ZNF292: variants seen among roughly 807,000 people sequenced by gnomAD.
The protein encoded by ZNF292 is 16 zinc-finger domain protein.
In ZNF292, 26 loss-of-function variants were observed where a neutral mutation model predicts 217.9. That is an observed-to-expected ratio of 0.12 (90% CI 0.09 to 0.17). The LOEUF (loss-of-function observed/expected upper bound fraction) is 0.17, where lower values mean the gene tolerates loss of function less well. Among genes scored for constraint, ZNF292 ranks in the 10% least tolerant of loss-of-function variants. ZNF292 has a pLI of 1.00. For missense variants in ZNF292, 2,904 were observed against 3,175.2 expected (o/e 0.91, Z 2.05); for synonymous variants, 1,257 against 1,124.1 (o/e 1.12, Z -2.37).
chr6:87,239,689 G>A (rs867976624), intron 5 of ZNF292, among the ~76,000 whole-genome samples: 35,477 of 78,058 alleles, frequency 0.45, 10,396 homozygotes, highest in African/African-American at 0.67. Flanking sequence ...GCTGCCGGGC[G>A]GAGGGGCTCC....
intron 1 of ZNF292, among the ~76,000 whole-genome samples, chr6:87,176,952 C>G (rs1161936033): frequency 6.6e-6 from 1 of 152,136 alleles, no homozygotes; most frequent in Non-Finnish European, 1.5e-5. Flanking sequence ...CCTCCATCCT[C>G]CCACCAATAA....
At position 87,255,152 on chromosome 6, in the gene ZNF292, T is replaced by G; in HGVS notation, c.1523T>G (p.Leu508Arg). Residue 508 changes from leucine (L) to arginine (R), a missense_variant, in exon 8 of 8, where the codon CTT becomes CGT. By Grantham distance (102) the Leu-to-Arg change is moderately radical. This residue lies in a region of ZNF292 where 87 missense variants were observed against 99.6 expected (regional missense o/e 0.87). Transcript: ENST00000369577. ...GGAGTTGGTGCTAATTCTGGCCTTC[T>G]TAAAGACATTGGTGATGAAAAGCAG... ...SGGVGANSGL[L>R]KDIGDEKQKK... The G allele has an allele frequency of 6.2e-7, 1 of 1,613,748 alleles. No individual in the cohort carries two copies.
intron 6 of ZNF292, 32 bp downstream of exon 6, chr6:87,243,643 T>A: frequency 6.9e-7 from 1 of 1,441,916 alleles, no homozygotes; most frequent in Non-Finnish European, 9.1e-7. Flanking sequence ...TAAAGAAATA[T>A]TTGTTAAATA....
intron 4 of ZNF292, among the ~76,000 whole-genome samples, chr6:87,225,245 A>C (rs1034277157): frequency 6.6e-6 from 1 of 152,038 alleles, no homozygotes; most frequent in African/African-American, 2.4e-5. Context: ...AGTTCTTTGT[A>C]TATTTTGGGT....
rs1249883291 is a variant in ZNF292, at chr6:87,260,227, A to C, written c.6598A>C (p.Thr2200Pro). Reference protein sequence around the residue: ...IQHYMKLHEMTPEEIESMTAS... With the variant: ...IQHYMKLHEMPPEEIESMTAS... ...ACACTACATGAAACTTCATGAAATG[A>C]CTCCTGAAGAAATTGAAAGTATGAC... The change falls in exon 8 of 8, where the codon ACT (threonine) becomes CCT (proline). Residue 2200 changes from threonine to proline, a missense_variant. Coordinates refer to ENST00000369577, the MANE Select transcript of ZNF292 (RefSeq NM_015021.3). The C allele has an allele frequency of 6.2e-7, 1 of 1,613,582 alleles. No homozygotes were observed. The highest frequency in any genetic ancestry group is 8.5e-7 in the Non-Finnish European group (1 of 1,179,616).
chr6:87,156,901 C>T (rs902474755), intron 1 of ZNF292, among the ~76,000 whole-genome samples: 3 of 152,052 alleles, frequency 2.0e-5, no homozygotes, highest in African/African-American at 7.3e-5. Context: ...ATTTGATTGT[C>T]TTGAGGAGGA....
chr6:87,204,224 T>C (rs1307409033), intron 1 of ZNF292, among the ~76,000 whole-genome samples: 2 of 152,200 alleles, frequency 1.3e-5, no homozygotes, highest in African/African-American at 4.8e-5. Flanking sequence ...AAATGCAAAC[T>C]GTACTACTAC....
chr6:87,196,201 T>G lies in ZNF292; in HGVS notation c.169-19702T>G, dbSNP rs147329980. ...TGTCATTTTCTTTTCTAAATTTGTA[T>G]TAGTTTTCAACATTTTATATAGTAC... On this transcript the variant is annotated intron_variant, in intron 1 of 7. Transcript: ENST00000369577. 7.1e-3 allele frequency among the ~76,000 whole-genome samples: 1,075 copies of G among 152,350 alleles called. 13 individuals are homozygous for G. Among genetic ancestry groups the G allele is most frequent in the African/African-American group, 0.024 (1,004 of 41,582 alleles).
intron 1 of ZNF292, among the ~76,000 whole-genome samples, chr6:87,201,715 T>C (rs747926932): frequency 3.3e-5 from 5 of 152,180 alleles, no homozygotes; most frequent in Non-Finnish European, 7.3e-5. Context: ...CATCCTAAAG[T>C]TTTAAAGTAT....
At chr6:87,227,727 A>G (rs1262776174) in intron 4 of ZNF292, among the ~76,000 whole-genome samples, 1 of 152,342 alleles carries the variant, frequency 6.6e-6, no homozygotes, top group African/African-American at 2.4e-5. Flanking sequence ...TTCACTTAGC[A>G]TAATGTCCTC....
chr6:87,204,829 G>T (rs964792427), intron 1 of ZNF292, among the ~76,000 whole-genome samples: 1 of 152,086 alleles, frequency 6.6e-6, no homozygotes, highest in African/African-American at 2.4e-5. Flanking sequence ...CTCGCAAAGT[G>T]CTGGGATTAC....
intron 3 of ZNF292, 50 bp downstream of exon 3, chr6:87,216,427 T>G: frequency 7.4e-7 from 1 of 1,344,004 alleles, no homozygotes; most frequent in Non-Finnish European, 1.0e-6. Context: ...TATGTCAGTT[T>G]TCCTTACTCT....
At chr6:87,240,305 C>G (rs539537111) in intron 5 of ZNF292, among the ~76,000 whole-genome samples, 16 of 139,824 alleles carry the variant, frequency 1.1e-4, no homozygotes, top group East Asian at 4.2e-4. Flanking sequence ...GGTGGCAGTA[C>G]AGTCCAGCTT....
rs551444650 is a variant in ZNF292 at position 87,240,778 on chromosome 6, A to C, written c.742-2697A>C. On this transcript the variant is annotated intron_variant, in intron 5 of 7. Transcript: ENST00000369577. ...AATGATAAGATTAAAAATAAATGAGACTTTCAAGAAATACGGATTTTTATT... is the reference window on the plus strand; with the variant it reads ...AATGATAAGATTAAAAATAAATGAGCCTTTCAAGAAATACGGATTTTTATT... Among the ~76,000 whole-genome samples the C allele has an allele frequency of 3.9e-5, 6 of 152,202 alleles. No individual in the cohort carries two copies. In the East Asian group the frequency reaches 1.2e-3, roughly 29 times the overall value.
intron 1 of ZNF292, among the ~76,000 whole-genome samples, chr6:87,158,554 G>A (rs961442012): frequency 6.6e-6 from 1 of 152,256 alleles, no homozygotes; most frequent in South Asian, 2.1e-4. Context: ...AGTGCCTGTA[G>A]TCCCAGCTAC....
chr6:87,183,833 C>A (rs531124159), intron 1 of ZNF292, among the ~76,000 whole-genome samples: 2 of 152,226 alleles, frequency 1.3e-5, no homozygotes, highest in African/African-American at 4.8e-5. Flanking sequence ...TGTATACACG[C>A]AGTATTATAA....
intron 1 of ZNF292, among the ~76,000 whole-genome samples, chr6:87,214,743 A>G (rs1248091527): frequency 6.6e-6 from 1 of 152,094 alleles, no homozygotes; most frequent in African/African-American, 2.4e-5. Context: ...CTGTGAATAT[A>G]TGGCTACTCA....
chr6:87,156,821 A>G (rs1350285802), intron 1 of ZNF292, among the ~76,000 whole-genome samples: 1 of 152,236 alleles, frequency 6.6e-6, no homozygotes, highest in African/African-American at 2.4e-5. Context: ...CTACATTTGC[A>G]CTTCATTACG....
chr6:87,175,233 T>C (rs961063494), intron 1 of ZNF292, among the ~76,000 whole-genome samples: 1 of 152,116 alleles, frequency 6.6e-6, no homozygotes, highest in Non-Finnish European at 1.5e-5. Flanking sequence ...TCCTTAATTC[T>C]TTTTTTTCCC....
Sources: gnomAD v4.1 joint callset for allele counts (sites outside exome capture counted in the v4.1 genomes callset) on GRCh38, gnomAD v4.1.1 for gene constraint, gnomAD v4.1.1 regional missense constraint, MANE v1.5 for transcripts, NCBI Gene and HGNC (gene_info 2026-07-23, HGNC 2026-07-21) for gene names.